CCSER1: variants seen among roughly 807,000 people sequenced by gnomAD.
CCSER1 encodes the protein coiled-coil serine rich protein 1, also known as serine-rich coiled-coil domain-containing protein 1.
Under a neutral mutation model 82.0 loss-of-function variants are expected in CCSER1, and 41 were observed. That is an observed-to-expected ratio of 0.50 (90% CI 0.39 to 0.65). CCSER1 has a LOEUF of 0.65. Ranked by LOEUF, CCSER1 falls within the 30% of genes least tolerant of loss-of-function variation. CCSER1 has a pLI of 0.00. For synonymous variants in CCSER1, 414 were observed against 383.9 expected, an observed-to-expected ratio of 1.08 and a Z score of -0.92; for missense variants, 1,119 against 1,064.2, an observed-to-expected ratio of 1.05 and a Z score of -0.72.
intron 10 of CCSER1, among the ~76,000 whole-genome samples, chr4:91,284,161 A>ACT (rs1323015379): frequency 1.3e-5 from 2 of 151,790 alleles, no homozygotes; most frequent in African/African-American, 4.8e-5. Flanking sequence ...CAATATTAGC[A>ACT]CTCTCTCTCT....
At chr4:90,639,699 T>G (rs1379040160) in intron 6 of CCSER1, among the ~76,000 whole-genome samples, 2 of 152,098 alleles carry the variant, frequency 1.3e-5, no homozygotes, top group Non-Finnish European at 2.9e-5. Context: ...ATTGCCATTT[T>G]ATGAGCCTTG....
At chr4:91,064,269 C>T (rs1744183264) in intron 9 of CCSER1, among the ~76,000 whole-genome samples, 1 of 152,034 alleles carries the variant, frequency 6.6e-6, no homozygotes, top group African/African-American at 2.4e-5. Flanking sequence ...ATCATGAGTC[C>T]CAAGAATACC....
chr4:90,400,711 A>C (rs1342321281), intron 4 of CCSER1, among the ~76,000 whole-genome samples: 5 of 152,166 alleles, frequency 3.3e-5, no homozygotes, highest in Non-Finnish European at 2.9e-5. Flanking sequence ...GTAATGGCTT[A>C]AATTTATATT....
intron 10 of CCSER1, among the ~76,000 whole-genome samples, chr4:91,252,303 C>T (rs112969806): frequency 0.02 from 3,001 of 152,142 alleles, 98 homozygotes; most frequent in African/African-American, 0.066. Flanking sequence ...TTTCTTATCA[C>T]TATACCTACT....
intron 10 of CCSER1, among the ~76,000 whole-genome samples, chr4:91,526,412 C>T (rs577537578): frequency 2.1e-4 from 32 of 152,214 alleles, no homozygotes; most frequent in African/African-American, 6.7e-4. Context: ...TTATGCCTCC[C>T]GAAAACAAAC....
chr4:90,397,772 G>T (rs560257720), intron 3 of CCSER1, among the ~76,000 whole-genome samples: 51 of 152,290 alleles, frequency 3.3e-4, no homozygotes, highest in African/African-American at 1.2e-3. Flanking sequence ...TAGCTAGATG[G>T]ATTGGGTAGG....
chr4:90,952,426 C>A (rs920282348), intron 9 of CCSER1, among the ~76,000 whole-genome samples: 7 of 151,832 alleles, frequency 4.6e-5, no homozygotes, highest in Non-Finnish European at 1.0e-4. Context: ...CCACAGTGCA[C>A]AAGGCAGCTC....
intron 10 of CCSER1, among the ~76,000 whole-genome samples, chr4:91,434,491 G>A (rs1262644607): frequency 6.6e-6 from 1 of 151,730 alleles, no homozygotes; most frequent in African/African-American, 2.4e-5. Flanking sequence ...AATGAGATAG[G>A]GTGTCCTCTT....
intron 1 of CCSER1, among the ~76,000 whole-genome samples, chr4:90,169,539 A>AGC (rs1731230770): frequency 2.6e-5 from 4 of 152,122 alleles, no homozygotes; most frequent in African/African-American, 4.8e-5. Context: ...GAGAGAGGGC[A>AGC]TCCCTGTCTT....
At chr4:91,498,798 G>C (rs1482102575) in intron 10 of CCSER1, among the ~76,000 whole-genome samples, 2 of 151,710 alleles carry the variant, frequency 1.3e-5, no homozygotes, top group African/African-American at 4.8e-5. Flanking sequence ...TTTGATAAAT[G>C]TGTTATGATG....
At chr4:90,596,625 T>G (rs1243107930) in intron 5 of CCSER1, among the ~76,000 whole-genome samples, 1 of 151,734 alleles carries the variant, frequency 6.6e-6, no homozygotes, top group Non-Finnish European at 1.5e-5. Flanking sequence ...GTACAATCAA[T>G]ATGAGGAAAT....
At chr4:90,275,767 C>T (rs1560928205) in intron 1 of CCSER1, among the ~76,000 whole-genome samples, 1 of 152,038 alleles carries the variant, frequency 6.6e-6, no homozygotes, top group Non-Finnish European at 1.5e-5. Context: ...AGTGTTTATA[C>T]AAGTGTGATC....
chr4:90,407,117 G>A (rs779572160), intron 4 of CCSER1, among the ~76,000 whole-genome samples: 1 of 152,038 alleles, frequency 6.6e-6, no homozygotes, highest in Non-Finnish European at 1.5e-5. Context: ...GACCATTAGC[G>A]AGATTAACCT....
rs3971344 is a variant in CCSER1, at chr4:91,146,580, C to CTTCTT, written c.2217+60588_2217+60589insCTTTT. Among the ~76,000 whole-genome samples the CTTCTT allele has an allele frequency of 1.4e-3, 209 of 149,544 alleles. 1 individual carries two copies. The highest frequency in any genetic ancestry group is 9.4e-3 in the South Asian group (45 of 4,764). On this transcript the variant is annotated intron_variant, in intron 10 of 10. Transcript: ENST00000509176. ...TCTTTGTTTCTTTCTTTATCTTCTT[C>CTTCTT]TTTTTTTTTTGAAATTGCTGTTGTT...
chr4:90,238,650 C>A (rs796391120), intron 1 of CCSER1, among the ~76,000 whole-genome samples: 17 of 151,978 alleles, frequency 1.1e-4, no homozygotes, highest in Non-Finnish European at 2.5e-4. Flanking sequence ...CCTTCTCACA[C>A]CCCCTCAACT....
intron 10 of CCSER1, among the ~76,000 whole-genome samples, chr4:91,541,417 C>T (rs1020854550): frequency 3.9e-5 from 6 of 152,130 alleles, no homozygotes; most frequent in African/African-American, 1.4e-4. Context: ...TGTGATGTTC[C>T]CCTTCCTGTG....
At chr4:90,541,419 C>T (rs1371201958) in intron 5 of CCSER1, among the ~76,000 whole-genome samples, 2 of 151,978 alleles carry the variant, frequency 1.3e-5, no homozygotes, top group East Asian at 1.9e-4. Flanking sequence ...TGGAGAGCCC[C>T]GATTTAGCTG....
At chr4:91,331,222 C>T (rs1419378703) in intron 10 of CCSER1, among the ~76,000 whole-genome samples, 2 of 152,064 alleles carry the variant, frequency 1.3e-5, no homozygotes, top group Non-Finnish European at 2.9e-5. Context: ...TTGAATAACT[C>T]AATTTTTTAT....
At chr4:90,135,148 T>G (rs1723439482) in intron 1 of CCSER1, among the ~76,000 whole-genome samples, 1 of 152,224 alleles carries the variant, frequency 6.6e-6, no homozygotes, top group African/African-American at 2.4e-5. Context: ...AAAAATTAAC[T>G]GATTTCTAGC....
Sources: allele counts gnomAD v4.1 joint callset (sites outside exome capture counted in the v4.1 genomes callset), GRCh38; gene constraint gnomAD v4.1.1; transcripts MANE v1.5; gene names NCBI Gene and HGNC (gene_info 2026-07-23, HGNC 2026-07-21).